The following KYNU variants were observed in gnomAD, a reference collection of about 807,000 sequenced individuals.
KYNU encodes L-kynurenine hydrolase.
A neutral mutation model predicts 59.2 loss-of-function variants in KYNU; 54 were observed. That is an observed-to-expected ratio of 0.91 (90% CI 0.73 to 1.14). The LOEUF is 1.14. Ranked by LOEUF, KYNU falls within the 50% of genes most tolerant of loss-of-function variation. KYNU has a pLI of 0.00. For missense variants in KYNU, 567 were observed against 554.4 expected, an observed-to-expected ratio of 1.02 and a Z score of -0.23; for synonymous variants, 177 against 192.0, an observed-to-expected ratio of 0.92 and a Z score of 0.65.
intron 8 of KYNU, among the ~76,000 whole-genome samples, chr2:142,982,132 C>T (rs78316457): frequency 1.1e-3 from 172 of 152,076 alleles, no homozygotes; most frequent in African/African-American, 4.1e-3. Context: ...ACTTTAATTC[C>T]ATTGAGAGTT....
rs56178134 is a variant in KYNU, at chr2:142,978,521, T to C, written c.730-6563T>C. ...CTATTAGAAGGTACTGATAGTCACC[T>C]GGAATTCACCTACCATAATGATAGT... On this transcript the variant is annotated intron_variant, in intron 8 of 13. Coordinates refer to ENST00000264170, the MANE Select transcript of KYNU (RefSeq NM_003937.3). Among the ~76,000 whole-genome samples, 1,273 of 152,248 alleles carry C rather than the reference T, an allele frequency of 8.4e-3. 15 individuals carry two copies. The highest frequency in any genetic ancestry group is 0.03 in the African/African-American group (1,230 of 41,546).
rs2104937747 is a variant in KYNU, at chr2:143,054,864, A to C, written c.*12692A>C. On this transcript the variant is annotated 3_prime_UTR_variant, in exon 14 of 14. Coordinates refer to ENST00000264170, the MANE Select transcript of KYNU (RefSeq NM_003937.3). ...CTGAAGAGATATAATAAACAAATGC[A>C]ATGTGTGGACTTGGTTGGGATCTTC... The C allele has an allele frequency of 6.6e-6, 1 of 152,324 alleles. No individual in the cohort carries two copies. The highest frequency in any genetic ancestry group is 6.5e-5 in the Admixed American group (1 of 15,288). 9.4% of individuals were successfully genotyped at this position (152,324 alleles called of 1,614,324 possible). A position where few individuals can be genotyped will look rare whatever the true frequency, so the allele number is the denominator to read the frequency against.
intron 5 of KYNU, among the ~76,000 whole-genome samples, chr2:142,955,779 T>G (rs1378501849): frequency 2.6e-5 from 4 of 152,042 alleles, no homozygotes; most frequent in African/African-American, 9.7e-5. Context: ...ACTGAACAAA[T>G]GAGCTACTAT....
chr2:142,931,820 A>G (rs1422880414), intron 4 of KYNU, among the ~76,000 whole-genome samples: 1 of 152,186 alleles, frequency 6.6e-6, no homozygotes, highest in African/African-American at 2.4e-5. Flanking sequence ...TTAGAGATGT[A>G]GAGACACCTT....
intron 10 of KYNU, among the ~76,000 whole-genome samples, chr2:143,029,032 A>G (rs1686662936): frequency 6.6e-6 from 1 of 152,192 alleles, no homozygotes; most frequent in South Asian, 2.1e-4. Context: ...TTAATTTTAA[A>G]ATAAAAACTG....
At chr2:142,981,572 A>G (rs1685053253) in intron 8 of KYNU, among the ~76,000 whole-genome samples, 1 of 152,050 alleles carries the variant, frequency 6.6e-6, no homozygotes, top group Admixed American at 6.6e-5. Flanking sequence ...AAGATTAATT[A>G]TATTCATGTC....
At chr2:143,000,818 C>CT (rs1355009826) in intron 10 of KYNU, among the ~76,000 whole-genome samples, 1 of 152,088 alleles carries the variant, frequency 6.6e-6, no homozygotes, top group Non-Finnish European at 1.5e-5. Flanking sequence ...GCCCTGGGTG[C>CT]TTTTTTTCCT....
intron 10 of KYNU, among the ~76,000 whole-genome samples, chr2:143,013,535 A>G (rs531113314): frequency 6.6e-6 from 1 of 152,302 alleles, no homozygotes; most frequent in Non-Finnish European, 1.5e-5. Context: ...TTTAAAGAAA[A>G]GTTGCATATA....
intron 3 of KYNU, 51 bp from the exon 4 acceptor site, chr2:142,927,608 C>T (rs772428283): frequency 3.2e-6 from 4 of 1,252,800 alleles, no homozygotes; most frequent in South Asian, 1.2e-5. Flanking sequence ...GAAATAATCA[C>T]ACACATGCAC....
intron 11 of KYNU, among the ~76,000 whole-genome samples, chr2:143,030,042 T>A (rs956511325): frequency 1.3e-5 from 2 of 152,204 alleles, no homozygotes; most frequent in African/African-American, 4.8e-5. Flanking sequence ...CACACTTTGC[T>A]GCTTAATAGT....
At chr2:142,954,202 A>G (rs1380676720) in intron 4 of KYNU, 1 of 152,312 alleles carries the variant, frequency 6.6e-6, no homozygotes, top group Non-Finnish European at 1.5e-5. Flanking sequence ...TGTAGTGGAT[A>G]TCTTACTTTT....
rs1178685943 is a variant in KYNU, at chr2:143,054,130, T to A, written c.*11958T>A. 1 of 152,210 alleles carries A rather than the reference T, an allele frequency of 6.6e-6. No homozygotes were observed. Among genetic ancestry groups the A allele is most frequent in the African/African-American group, 2.4e-5 (1 of 41,450 alleles). 9.4% of individuals were successfully genotyped at this position (152,210 alleles called of 1,614,324 possible). A position where few individuals can be genotyped will look rare whatever the true frequency, so the allele number is the denominator to read the frequency against. On this transcript the variant is annotated 3_prime_UTR_variant, in exon 14 of 14. Coordinates refer to ENST00000264170, the MANE Select transcript of KYNU (RefSeq NM_003937.3). ...TCCTTACAACCACCAATTGGATACATTGTTTCAGTATTTTGAAATTTTTCA... is the reference window on the plus strand; with the variant it reads ...TCCTTACAACCACCAATTGGATACAATGTTTCAGTATTTTGAAATTTTTCA...
At chr2:142,977,870 T>C (rs1323368096) in intron 8 of KYNU, among the ~76,000 whole-genome samples, 1 of 152,164 alleles carries the variant, frequency 6.6e-6, no homozygotes, top group Admixed American at 6.6e-5. Context: ...AAATTTAGTC[T>C]GCATGAAAAG....
Position 142,958,671 on chromosome 2 carries a change from A to G in KYNU, c.582+956A>G, listed in dbSNP as rs199519479. Reference sequence around the variant, plus strand: ...TCTAGCAAAAATGAACATAGCTGCTAATAATCACATAAGTGACCAATATTG... The same window carrying G: ...TCTAGCAAAAATGAACATAGCTGCTGATAATCACATAAGTGACCAATATTG... On this transcript the variant is annotated intron_variant, in intron 7 of 13. Transcript: ENST00000264170. 2.0e-5 allele frequency among the ~76,000 whole-genome samples: 3 copies of G among 152,354 alleles called. No homozygotes were observed. In the East Asian group the frequency reaches 5.8e-4, roughly 29 times the overall value.
At chr2:142,940,276 A>T (rs867368600) in intron 4 of KYNU, among the ~76,000 whole-genome samples, 93 of 152,292 alleles carry the variant, frequency 6.1e-4, no homozygotes, top group African/African-American at 2.2e-3. Context: ...CACTTTATTC[A>T]GTTTGCTTTC....
At chr2:142,943,505 G>T (rs963089567) in intron 4 of KYNU, among the ~76,000 whole-genome samples, 1 of 151,962 alleles carries the variant, frequency 6.6e-6, no homozygotes, top group African/African-American at 2.4e-5. Context: ...TTTATAGAGA[G>T]CCAATAATTC....
At chr2:142,939,337 C>T (rs1359612205) in intron 4 of KYNU, among the ~76,000 whole-genome samples, 1 of 152,100 alleles carries the variant, frequency 6.6e-6, no homozygotes, top group Non-Finnish European at 1.5e-5. Context: ...AGAGTGGTGG[C>T]TCATGCCTGT....
chr2:142,897,322 G>A lies in KYNU; in HGVS notation c.169+11786G>A, dbSNP rs568537246. ...AAAATGTAGACCTAGTTCCTCAGAG[G>A]ACCCTGGTCACAGATTTATGGACAT... On this transcript the variant is annotated intron_variant, in intron 2 of 13. Transcript: ENST00000264170. 4.3e-4 allele frequency among the ~76,000 whole-genome samples: 66 copies of A among 152,260 alleles called. 2 individuals are homozygous for A. In the South Asian group the frequency reaches 0.014, roughly 32 times the overall value.
intron 2 of KYNU, among the ~76,000 whole-genome samples, chr2:142,907,272 G>A (rs977943461): frequency 2.0e-5 from 3 of 152,154 alleles, no homozygotes; most frequent in Non-Finnish European, 4.4e-5. Context: ...TGGAAACTTG[G>A]GCCATGTGGT....
Sources: gnomAD v4.1 joint callset for allele counts (sites outside exome capture counted in the v4.1 genomes callset) on GRCh38, gnomAD v4.1.1 for gene constraint, MANE v1.5 for transcripts, NCBI Gene and HGNC (gene_info 2026-07-23, HGNC 2026-07-21) for gene names.